Variants in NAA80 observed in about 807,000 individuals in gnomAD.
NAA80 encodes N-alpha-acetyltransferase 80, NatH catalytic subunit, also known as N-alpha-acetyltransferase 80.
A neutral mutation model predicts 8.7 loss-of-function variants in NAA80; 5 were observed. That is an observed-to-expected ratio of 0.58 (90% CI 0.30 to 1.21). NAA80 has a LOEUF of 1.21. NAA80 is among the 50% of genes most tolerant of loss of function. The pLI, the probability that NAA80 is intolerant of heterozygous loss-of-function variation, is 0.07. For missense variants in NAA80, 360 were observed against 368.6 expected (o/e 0.98, Z 0.19); for synonymous variants, 149 against 156.6 (o/e 0.95, Z 0.36).
intron 1 of NAA80, chr3:50,298,064 G>C: frequency 1.0e-6 from 1 of 985,646 alleles, no homozygotes; most frequent in South Asian, 4.7e-5. Flanking sequence ...CTGTCTTCCA[G>C]TAGTCCTCCT....
Position 50,296,434 on chromosome 3 carries a change from C to T in NAA80, c.*169G>A, listed in dbSNP as rs1265044462. 3.8e-5 allele frequency: 27 copies of T among 709,408 alleles called. No individual in the cohort carries two copies. Among genetic ancestry groups the T allele is most frequent in the Middle Eastern group, 4.0e-4 (1 of 2,494 alleles). The allele number at this position is 709,408 out of a possible 1,614,324, so 43.9% of individuals were successfully genotyped here. ...GAGAGCCTTTATTCAGCCACACTGA[C>T]GGCTCTGAGCCAGAGCCACCTCCTG... On this transcript the variant is annotated 3_prime_UTR_variant, in exon 2 of 2. Coordinates refer to ENST00000443094, the MANE Select transcript of NAA80 (RefSeq NM_001200016.2).
rs1575504330 is a variant in NAA80 at position 50,297,852 on chromosome 3, G to C, written c.-209-180C>G. On this transcript the variant is annotated intron_variant, in intron 1 of 1. Transcript: ENST00000443094. The surrounding 1 kb of genome is among the most constrained non-coding windows in gnomAD (Gnocchi z 4.3). ...GAAGAGACCCATCCCCTATAGAGCA[G>C]GGCAGATAGATCCAGGTGTCTACCC... is the stretch of plus-strand genomic sequence containing the variant. 2.8e-6 allele frequency: 3 copies of C among 1,053,552 alleles called. No individual in the cohort carries two copies. The South Asian group carries it at 1.3e-4, about 45-fold the overall frequency. The allele number at this position is 1,053,552 out of a possible 1,614,324, so 65.3% of individuals were successfully genotyped here.
chr3:50,296,485 C>G lies in NAA80; in HGVS notation c.*118G>C. ...GCCCCACTGGTACCCAGGAAACATG[C>G]CCAGGTTAAAGCTGCCCCCCAGGGG... is the stretch of plus-strand genomic sequence containing the variant. On this transcript the variant is annotated 3_prime_UTR_variant, in exon 2 of 2. Coordinates refer to ENST00000443094, the MANE Select transcript of NAA80 (RefSeq NM_001200016.2). 8.1e-7 allele frequency: 1 copy of G among 1,231,048 alleles called. No homozygotes were observed. The highest frequency in any genetic ancestry group is 1.1e-6 in the Non-Finnish European group (1 of 890,394). 76.3% of individuals were successfully genotyped at this position (1,231,048 alleles called of 1,614,324 possible).
intron 1 of NAA80, chr3:50,298,864 G>A: frequency 1.6e-6 from 2 of 1,284,926 alleles, no homozygotes; most frequent in South Asian, 1.7e-5. Flanking sequence ...TTGGTCTAGA[G>A]GGAGGAAGCC....
At position 50,296,942 on chromosome 3, in the gene NAA80, G is replaced by A. The variant is rs782570830; in HGVS notation, c.522C>T (p.Leu174=). ...ARARGFRKLH[L]TTHDQVHFYT... The stretch of plus-strand genomic sequence containing the variant: ...AGAAGTGCACCTGGTCATGGGTGGT[G>A]AGATGCAGCTTGCGGAAGCCCCGGG... The change falls in exon 2 of 2, where the codon CTC becomes CTT. Residue 174 remains leucine (L), a synonymous_variant. Transcript: ENST00000443094. The A allele has an allele frequency of 6.2e-7, 1 of 1,606,960 alleles. No individual in the cohort carries two copies. The highest frequency in any genetic ancestry group is 8.5e-7 in the Non-Finnish European group (1 of 1,177,838).
At position 50,297,535 on chromosome 3, in the gene NAA80, C is replaced by A; in HGVS notation, c.-72G>T. 6.6e-7 allele frequency: 1 copy of A among 1,512,342 alleles called. No individual in the cohort carries two copies. Among genetic ancestry groups the A allele is most frequent in the Non-Finnish European group, 8.9e-7 (1 of 1,128,360 alleles). The allele number at this position is 1,512,342 out of a possible 1,614,324, so 93.7% of individuals were successfully genotyped here. ...CTCAGAGTCAGCTCTTGCCTATGCA[C>A]AGGATCCAGGTTCAGCTGAGTCAGG... On this transcript the variant is annotated 5_prime_UTR_variant, in exon 2 of 2. Transcript: ENST00000443094. The surrounding 1 kb of genome is among the most constrained non-coding windows in gnomAD (Gnocchi z 4.3).
Position 50,296,794 on chromosome 3 carries a change from C to A in NAA80, c.670G>T (p.Ala224Ser), listed in dbSNP as rs1553711250. ...GCAGCTTGGGCAGTCAGGTTTGGGG[C>A]CTTCCTGGGTGGCCGGGGAGAGGGG... is the stretch of plus-strand genomic sequence containing the variant. ...TAPSPRPPRKAPNLTAQAAPR... is the reference protein window; with the variant it reads ...TAPSPRPPRKSPNLTAQAAPR... Residue 224 changes from alanine to serine, a missense_variant, in exon 2 of 2, where the codon GCC becomes TCC. By Grantham distance (99) the Ala-to-Ser change is moderately conservative. Coordinates refer to ENST00000443094, the MANE Select transcript of NAA80 (RefSeq NM_001200016.2). The A allele has an allele frequency of 6.3e-7, 1 of 1,586,120 alleles. No homozygotes were observed. The highest frequency in any genetic ancestry group is 1.1e-5 in the South Asian group (1 of 87,004).
rs368930795 is a variant in NAA80 at position 50,296,912 on chromosome 3, G to A, written c.552C>T (p.Thr184=). The part of the protein sequence containing the change: ...LTTHDQVHFY[T]HLGYQLGEPV... Reference sequence around the variant, plus strand: ...GCTCACCCAGCTGGTAGCCCAGGTGGGTATAGAAGTGCACCTGGTCATGGG... The same window carrying A: ...GCTCACCCAGCTGGTAGCCCAGGTGAGTATAGAAGTGCACCTGGTCATGGG... Residue 184 remains threonine (T), a synonymous_variant, in exon 2 of 2, where the codon ACC becomes ACT. Coordinates refer to ENST00000443094, the MANE Select transcript of NAA80 (RefSeq NM_001200016.2). 5.6e-6 allele frequency: 9 copies of A among 1,608,674 alleles called. No individual in the cohort carries two copies. Among genetic ancestry groups the A allele is most frequent in the African/African-American group, 4.0e-5 (3 of 74,720 alleles).
chr3:50,299,290 C>T lies in NAA80; in HGVS notation c.-287G>A. ...TATCTCACTCAGTCGCCACCTCGGA[C>T]TCCTCGGTCCGACAACGTTGGCCCC... On this transcript the variant is annotated 5_prime_UTR_variant, in exon 1 of 2. Coordinates refer to ENST00000443094, the MANE Select transcript of NAA80 (RefSeq NM_001200016.2). 8.1e-6 allele frequency: 13 copies of T among 1,612,798 alleles called. No individual in the cohort carries two copies. The highest frequency in any genetic ancestry group is 9.3e-6 in the Non-Finnish European group (11 of 1,179,792).
rs1702016762 is a variant in NAA80, at chr3:50,299,247, T to C, written c.-244A>G. ...CTGGCCTCTGGGATGTTCCGCGTCC[T>C]AGCTCCGCACAGCTGGGTATCTCAC... On this transcript the variant is annotated 5_prime_UTR_variant, in exon 1 of 2. Transcript: ENST00000443094. 1 of 1,613,980 alleles carries C rather than the reference T, an allele frequency of 6.2e-7. No individual in the cohort carries two copies. The highest frequency in any genetic ancestry group is 8.5e-7 in the Non-Finnish European group (1 of 1,180,016).
chr3:50,297,696 C>A lies in NAA80; in HGVS notation c.-209-24G>T. The A allele has an allele frequency of 7.3e-7, 1 of 1,369,866 alleles. No individual in the cohort carries two copies. The allele number at this position is 1,369,866 out of a possible 1,614,324, so 84.9% of individuals were successfully genotyped here. ...TCCTGTAGATAACAGCCATGCTGGG[C>A]TGTGCCAGGAGGGAGGGTGGGGTTG... On this transcript the variant is annotated intron_variant, in intron 1 of 1. Coordinates refer to ENST00000443094, the MANE Select transcript of NAA80 (RefSeq NM_001200016.2). The surrounding 1 kb of genome is among the most constrained non-coding windows in gnomAD (Gnocchi z 4.3).
chr3:50,296,638 C>T lies in NAA80; in HGVS notation c.826G>A (p.Gly276Arg). Residue 276 changes from glycine (G) to arginine (R), a missense_variant, in exon 2 of 2, where the codon GGG (glycine) becomes AGG (arginine). Coordinates refer to ENST00000443094, the MANE Select transcript of NAA80 (RefSeq NM_001200016.2). ...LLETQYQNVRGRPIFWMEKDI is the reference protein window; with the variant it reads ...LLETQYQNVRRRPIFWMEKDI ...TTTTCCATCCAGAATATGGGGCGCC[C>T]CCTCACATTTTGATATTGTGTCTCC... is the stretch of plus-strand genomic sequence containing the variant. 2 of 1,614,084 alleles carry T rather than the reference C, an allele frequency of 1.2e-6. No individual in the cohort carries two copies. The highest frequency in any genetic ancestry group is 1.1e-5 in the South Asian group (1 of 91,084).
rs1701885571 is a variant in NAA80 at position 50,297,159 on chromosome 3, G to A, written c.305C>T (p.Pro102Leu). Residue 102 changes from proline to leucine, a missense_variant, in exon 2 of 2, where the codon CCC becomes CTC. Coordinates refer to ENST00000443094, the MANE Select transcript of NAA80 (RefSeq NM_001200016.2). The surrounding 1 kb of genome is among the most constrained non-coding windows in gnomAD (Gnocchi z 4.3). ...HSLGQSSDAF[P>L]LCLMLLSPHP... Reference sequence around the variant, plus strand: ...GGGGCTTAGCAGCATCAGGCAGAGGGGGAAGGCATCTGAGGACTGGCCCAG... The same window carrying A: ...GGGGCTTAGCAGCATCAGGCAGAGGAGGAAGGCATCTGAGGACTGGCCCAG... 4 of 1,602,568 alleles carry A rather than the reference G, an allele frequency of 2.5e-6. No individual in the cohort carries two copies. The highest frequency in any genetic ancestry group is 1.3e-5 in the African/African-American group (1 of 74,680).
rs1446257857 is a variant in NAA80, at chr3:50,297,819, G to A, written c.-209-147C>T. 3 of 1,141,906 alleles carry A rather than the reference G, an allele frequency of 2.6e-6. No individual in the cohort carries two copies. Among genetic ancestry groups the A allele is most frequent in the Non-Finnish European group, 3.2e-6 (3 of 929,858 alleles). The allele number at this position is 1,141,906 out of a possible 1,614,324, so 70.7% of individuals were successfully genotyped here. On this transcript the variant is annotated intron_variant, in intron 1 of 1. Transcript: ENST00000443094. This position sits in a 1 kb window ranked among gnomAD's most constrained non-coding sequence, Gnocchi z 4.3. ...GTCCCACACTCACCTGATAGCACAG[G>A]TGACCTGGAAGAGACCCATCCCCTA...
At position 50,297,700 on chromosome 3, in the gene NAA80, G is replaced by A; in HGVS notation, c.-209-28C>T. The stretch of plus-strand genomic sequence containing the variant: ...GTAGATAACAGCCATGCTGGGCTGT[G>A]CCAGGAGGGAGGGTGGGGTTGGAGC... On this transcript the variant is annotated intron_variant, in intron 1 of 1. Transcript: ENST00000443094. This position sits in a 1 kb window ranked among gnomAD's most constrained non-coding sequence, Gnocchi z 4.3. The A allele has an allele frequency of 7.3e-7, 1 of 1,365,666 alleles. No homozygotes were observed. The highest frequency in any genetic ancestry group is 9.4e-7 in the Non-Finnish European group (1 of 1,064,466). 84.6% of individuals were successfully genotyped at this position (1,365,666 alleles called of 1,614,324 possible).
At position 50,297,781 on chromosome 3, in the gene NAA80, T is replaced by C; in HGVS notation, c.-209-109A>G. The C allele has an allele frequency of 8.1e-7, 1 of 1,237,336 alleles. No individual in the cohort carries two copies. The highest frequency in any genetic ancestry group is 1.0e-6 in the Non-Finnish European group (1 of 989,068). The allele number at this position is 1,237,336 out of a possible 1,614,324, so 76.6% of individuals were successfully genotyped here. A position where few individuals can be genotyped will look rare whatever the true frequency, so the allele number is the denominator to read the frequency against. ...CATGCATACTGGAACTGGGGAGTGG[T>C]GGGCTGCACTTTGTCCCACACTCAC... On this transcript the variant is annotated intron_variant, in intron 1 of 1. Transcript: ENST00000443094. This position sits in a 1 kb window ranked among gnomAD's most constrained non-coding sequence, Gnocchi z 4.3.
Position 50,297,195 on chromosome 3 carries a change from C to T in NAA80, c.269G>A (p.Arg90His), listed in dbSNP as rs1325251913. The change falls in exon 2 of 2, where the codon CGC (arginine) becomes CAC (histidine). Residue 90 changes from arginine (R) to histidine (H), a missense_variant. Coordinates refer to ENST00000443094, the MANE Select transcript of NAA80 (RefSeq NM_001200016.2). This position sits in a 1 kb window ranked among gnomAD's most constrained non-coding sequence, Gnocchi z 4.3. ...TGAGGACTGGCCCAGGGAGTGCAGG[C>T]GGGAGGTGCGGCTGCGGGGCCACTG... ...NDQWPRSRTSRLHSLGQSSDA... is the reference protein window; with the variant it reads ...NDQWPRSRTSHLHSLGQSSDA... 3 of 1,612,216 alleles carry T rather than the reference C, an allele frequency of 1.9e-6. No individual in the cohort carries two copies. Among genetic ancestry groups the T allele is most frequent in the South Asian group, 1.1e-5 (1 of 90,858 alleles).
rs1553711666 is a variant in NAA80, at chr3:50,297,977, C to G, written c.-209-305G>C. 1.0e-6 allele frequency: 1 copy of G among 987,566 alleles called. No individual in the cohort carries two copies. Among genetic ancestry groups the G allele is most frequent in the Admixed American group, 6.1e-5 (1 of 16,314 alleles). The allele number at this position is 987,566 out of a possible 1,614,324, so 61.2% of individuals were successfully genotyped here. A position where few individuals can be genotyped will look rare whatever the true frequency, so the allele number is the denominator to read the frequency against. ...CCTGCTCTGGCTACAAATTTGTCCT[C>G]CTCAGGACCTCCCCTCACAGGGGGT... On this transcript the variant is annotated intron_variant, in intron 1 of 1. Coordinates refer to ENST00000443094, the MANE Select transcript of NAA80 (RefSeq NM_001200016.2). The surrounding 1 kb of genome is among the most constrained non-coding windows in gnomAD (Gnocchi z 4.3).
At chr3:50,298,710 T>G in intron 1 of NAA80, 1 of 985,604 alleles carries the variant, frequency 1.0e-6, no homozygotes, top group East Asian at 1.1e-4. Context: ...AGAGGGGGCC[T>G]CCTGGCTCCC....
Sources: gnomAD v4.1 joint callset for allele counts on GRCh38, gnomAD v4.1.1 for gene constraint, Gnocchi (gnomAD v3.1) non-coding constraint, MANE v1.5 for transcripts, NCBI Gene and HGNC (gene_info 2026-07-23, HGNC 2026-07-21) for gene names.